The following LEPR variants were observed in gnomAD, a reference collection of about 807,000 sequenced individuals.
LEPR encodes OB receptor.
In LEPR, 56 loss-of-function variants were observed where a neutral mutation model predicts 114.7. The observed-to-expected ratio is 0.49, with a 90% CI of 0.39 to 0.61. LEPR has a LOEUF of 0.61. Ranked by LOEUF, LEPR falls within the 20% of genes least tolerant of loss-of-function variation. The pLI is 0.00. For synonymous variants in LEPR, 443 were observed against 461.4 expected (o/e 0.96, Z 0.51); for missense variants, 1,202 against 1,352.9 (o/e 0.89, Z 1.75).
chr1:65,459,324 G>T (rs1403237275), intron 2 of LEPR, among the ~76,000 whole-genome samples: 6 of 152,118 alleles, frequency 3.9e-5, no homozygotes, highest in Non-Finnish European at 7.3e-5. Context: ...GCCCTTCAGG[G>T]TGCTGGAAAG....
chr1:65,571,378 CT>C (rs796206761), intron 4 of LEPR, among the ~76,000 whole-genome samples: 6 of 151,000 alleles, frequency 4.0e-5, no homozygotes, highest in East Asian at 1.9e-4. Flanking sequence ...GAAAAAAATT[CT>C]TTTTTTTTGT....
chr1:65,527,825 C>T (rs185035979), intron 2 of LEPR, among the ~76,000 whole-genome samples: 1 of 152,304 alleles, frequency 6.6e-6, no homozygotes, highest in Admixed American at 6.5e-5. Flanking sequence ...TCCGTTGAAA[C>T]AGATGCTCAG....
chr1:65,571,870 T>A, intron 4 of LEPR, among the ~76,000 whole-genome samples: 1 of 138,094 alleles, frequency 7.2e-6, no homozygotes. Flanking sequence ...CTTAGGAGAC[T>A]GAGGTGGGAA....
In LEPR at chr1:65,636,665, C is replaced by T; in HGVS notation, c.3148C>T (p.His1050Tyr). The T allele has an allele frequency of 6.2e-7, 1 of 1,609,892 alleles. No homozygotes were observed. The highest frequency in any genetic ancestry group is 2.2e-5 in the East Asian group (1 of 44,802). Residue 1050 changes from histidine (H) to tyrosine (Y), a missense_variant, in exon 20 of 20, where the codon CAC becomes TAC. By Grantham distance (83) the His-to-Tyr change is moderately conservative (BLOSUM62 2). Transcript: ENST00000349533. ...TCAGCATCCCAACATAATTTCACCA[C>T]ACCTCACATTCTCAGAAGGATTGGA... ...SDQHPNIISP[H>Y]LTFSEGLDEL...
At chr1:65,581,123 A>G (rs910623383) in intron 5 of LEPR, among the ~76,000 whole-genome samples, 4 of 152,072 alleles carry the variant, frequency 2.6e-5, no homozygotes, top group African/African-American at 7.3e-5. Flanking sequence ...CTTATTTTCA[A>G]TATTCTTGTA....
intron 2 of LEPR, among the ~76,000 whole-genome samples, chr1:65,533,135 A>T (rs541251700): frequency 5.9e-5 from 9 of 152,324 alleles, no homozygotes; most frequent in South Asian, 2.1e-4. Context: ...TGTGAAAAAC[A>T]TCTAACAAGA....
chr1:65,549,205 T>A (rs528299467), intron 2 of LEPR, among the ~76,000 whole-genome samples: 98 of 150,954 alleles, frequency 6.5e-4, no homozygotes, highest in African/African-American at 2.3e-3. Flanking sequence ...CTTCCCTTTG[T>A]GGGTAACCCG....
chr1:65,580,705 A>T (rs1654924731), intron 5 of LEPR, among the ~76,000 whole-genome samples: 1 of 152,206 alleles, frequency 6.6e-6, no homozygotes, highest in Non-Finnish European at 1.5e-5. Context: ...CCTGGAGCTA[A>T]CATTCTGTGG....
chr1:65,636,212 T>C lies in LEPR; in HGVS notation c.2695T>C (p.Phe899Leu). The change falls in exon 20 of 20, where the codon TTT becomes CTT. Residue 899 changes from phenylalanine (F) to leucine (L), a missense_variant. Phe to Leu is a conservative substitution (Grantham distance 22, BLOSUM62 0). Transcript: ENST00000349533. ...FQKPETFEHL[F>L]IKHTASVTCG... is the part of the protein sequence containing the mutation. ...TTAGCCAGAAACGTTTGAGCATCTTTTTATCAAGCATACAGCATCAGTGAC... is the reference window on the plus strand; with the variant it reads ...TTAGCCAGAAACGTTTGAGCATCTTCTTATCAAGCATACAGCATCAGTGAC... 6.2e-7 allele frequency: 1 copy of C among 1,613,932 alleles called. No individual in the cohort carries two copies. The highest frequency in any genetic ancestry group is 8.5e-7 in the Non-Finnish European group (1 of 1,179,854).
intron 2 of LEPR, among the ~76,000 whole-genome samples, chr1:65,467,821 C>T (rs1557608728): frequency 6.6e-6 from 1 of 152,208 alleles, no homozygotes; most frequent in Non-Finnish European, 1.5e-5. Flanking sequence ...GAGCAAGGCT[C>T]CATGGGTGTG....
intron 2 of LEPR, among the ~76,000 whole-genome samples, chr1:65,469,978 C>T (rs1647063099): frequency 6.6e-6 from 1 of 151,568 alleles, no homozygotes; most frequent in African/African-American, 2.4e-5. Context: ...AGCCGGGAAG[C>T]CTTCTAAAGC....
chr1:65,435,808 T>C (rs1646554932), intron 2 of LEPR: 1 of 982,346 alleles, frequency 1.0e-6, no homozygotes, highest in Admixed American at 6.2e-5. Context: ...TAAATATTAG[T>C]TGTGCATTTT....
intron 2 of LEPR, among the ~76,000 whole-genome samples, chr1:65,437,256 C>CAT (rs762339232): frequency 1.3e-5 from 2 of 152,030 alleles, no homozygotes; most frequent in Non-Finnish European, 2.9e-5. Flanking sequence ...TTAATAAAAT[C>CAT]ATGTATATAT....
At chr1:65,560,437 TAAG>T (rs1653236807) in intron 2 of LEPR, among the ~76,000 whole-genome samples, 1 of 40,762 alleles carries the variant, frequency 2.5e-5, no homozygotes, top group Non-Finnish European at 4.7e-5. Context: ...CTTATCAGCT[TAAG>T]GAGATTTTGG....
chr1:65,503,003 G>A (rs1044149787), intron 2 of LEPR, among the ~76,000 whole-genome samples: 90 of 151,722 alleles, frequency 5.9e-4, no homozygotes, highest in African/African-American at 2.1e-3. Context: ...GGGAGGGAGA[G>A]AGAAAGAGAG....
chr1:65,618,675 A>G (rs1054855317), intron 16 of LEPR, among the ~76,000 whole-genome samples: 103 of 152,042 alleles, frequency 6.8e-4, no homozygotes, highest in Admixed American at 6.8e-3. Flanking sequence ...CATTTTATAC[A>G]GGGGTTATCA....
In LEPR at chr1:65,426,618, G is replaced by A. The variant is rs1055614694; in HGVS notation, c.-21+1240G>A. Among the ~76,000 whole-genome samples, 7 of 152,200 alleles carry A rather than the reference G, an allele frequency of 4.6e-5. No homozygotes were observed. The East Asian group carries it at 9.7e-4, about 21-fold the overall frequency. On this transcript the variant is annotated intron_variant, in intron 2 of 19. Coordinates refer to ENST00000349533, the MANE Select transcript of LEPR (RefSeq NM_002303.6). The stretch of plus-strand genomic sequence containing the variant: ...AGTTAGGAAACCAAACCAACCAACA[G>A]GTTTTGTTCATCGATGTCAGGATTC...
chr1:65,625,908 A>G (rs897341009), intron 19 of LEPR, among the ~76,000 whole-genome samples: 1 of 152,182 alleles, frequency 6.6e-6, no homozygotes, highest in Non-Finnish European at 1.5e-5. Flanking sequence ...TTTTCAGTAT[A>G]TAGGTATATA....
chr1:65,534,977 T>C (rs1650656873), intron 2 of LEPR, among the ~76,000 whole-genome samples: 1 of 152,204 alleles, frequency 6.6e-6, no homozygotes, highest in South Asian at 2.1e-4. Context: ...TATTTGGGTC[T>C]CTAAACCTAT....
Sources: gnomAD v4.1 joint callset for allele counts (sites outside exome capture counted in the v4.1 genomes callset) on GRCh38, gnomAD v4.1.1 for gene constraint, MANE v1.5 for transcripts, NCBI Gene and HGNC (gene_info 2026-07-23, HGNC 2026-07-21) for gene names.